Variants in BRD4 observed in about 807,000 individuals in gnomAD.
BRD4 encodes the protein bromodomain containing 4.
A neutral mutation model predicts 142.1 loss-of-function variants in BRD4; 16 were observed. That is an observed-to-expected ratio of 0.11 (90% CI 0.08 to 0.17). The LOEUF is 0.17. Ranked by LOEUF, BRD4 falls within the 10% of genes least tolerant of loss-of-function variation. The pLI is 1.00. For missense variants in BRD4, 1,424 were observed against 1,810.9 expected (o/e 0.79, Z 3.88); for synonymous variants, 833 against 707.5 (o/e 1.18, Z -2.82).
intron 1 of BRD4, among the ~76,000 whole-genome samples, chr19:15,299,356 C>A (rs1252470660): frequency 6.6e-6 from 1 of 152,174 alleles, no homozygotes; most frequent in Non-Finnish European, 1.5e-5. Context: ...GATATATGTG[C>A]TCATATACCC....
Position 15,242,987 on chromosome 19 carries a change from G to T in BRD4, c.3082C>A (p.Pro1028Thr). The T allele has an allele frequency of 6.4e-7, 1 of 1,573,754 alleles. No homozygotes were observed. Residue 1028 changes from proline (P) to threonine (T), a missense_variant, in exon 14 of 20, where the codon CCA (proline) becomes ACA (threonine). Around this residue, in one of 16 missense-constraint regions of BRD4, gnomAD observed 598 missense variants for 647.8 expected, o/e 0.92. Transcript: ENST00000679869. Reference sequence around the variant, plus strand: ...GGCTTGGCAGGCTGCGGCGGGGGTGGCTGCTGGCCTGGGGGCGGATGGGGG... The same window carrying T: ...GGCTTGGCAGGCTGCGGCGGGGGTGTCTGCTGGCCTGGGGGCGGATGGGGG... ...QPPHPPPGQQ[P>T]PPPQPAKPQQ...
Position 15,243,357 on chromosome 19 carries a change from G to C in BRD4, c.2712C>G (p.Pro904=). Reference sequence around the variant, plus strand: ...GCAGCACTTGGGGGGGTTGGGCCATGGGGGGCTGTGGGAGCAGGGGTGTTT... The same window carrying C: ...GCAGCACTTGGGGGGGTTGGGCCATCGGGGGCTGTGGGAGCAGGGGTGTTT... ...LTQTPLLPQP[P]MAQPPQVLLE... is the part of the protein sequence containing the mutation. The change falls in exon 14 of 20, where the codon CCC becomes CCG. Residue 904 remains proline, a synonymous_variant. Transcript: ENST00000679869. The C allele has an allele frequency of 6.6e-7, 1 of 1,504,180 alleles. No individual in the cohort carries two copies. Among genetic ancestry groups the C allele is most frequent in the East Asian group, 2.4e-5 (1 of 41,662 alleles). The allele number at this position is 1,504,180 out of a possible 1,614,324, so 93.2% of individuals were successfully genotyped here. A position where few individuals can be genotyped will look rare whatever the true frequency, so the allele number is the denominator to read the frequency against.
At chr19:15,290,370 A>C (rs1555742936) in intron 1 of BRD4, among the ~76,000 whole-genome samples, 1 of 152,194 alleles carries the variant, frequency 6.6e-6, no homozygotes, top group Non-Finnish European at 1.5e-5. Context: ...TAATCCTGTT[A>C]CGTTAGAAAA....
chr19:15,248,237 T>C, intron 11 of BRD4: 1 of 218,990 alleles, frequency 4.6e-6, no homozygotes, highest in Non-Finnish European at 9.2e-6. Flanking sequence ...TTTGTGTCTC[T>C]GGGAGGGCTT....
At chr19:15,253,573 C>T (rs767878793) in intron 11 of BRD4, 2 of 1,574,082 alleles carry the variant, frequency 1.3e-6, no homozygotes, top group South Asian at 1.1e-5. Flanking sequence ...GCAGCCAACA[C>T]AGCAACGAGC....
intron 1 of BRD4, among the ~76,000 whole-genome samples, chr19:15,278,251 TGGGCCAGGCATGGC>T (rs1037977466): frequency 2.6e-5 from 4 of 151,238 alleles, no homozygotes; most frequent in African/African-American, 4.9e-5. Flanking sequence ...AAAGTAACTA[TGGGCCAGGCATGGC>T]GGGCCACACC....
intron 13 of BRD4, 54 bp from the exon 14 acceptor site, chr19:15,243,541 T>A: frequency 6.7e-7 from 1 of 1,488,874 alleles, no homozygotes; most frequent in Non-Finnish European, 8.9e-7. Flanking sequence ...GGCCCCAGCC[T>A]GGCCTTTCTG....
chr19:15,288,436 T>A (rs535470686), intron 1 of BRD4, among the ~76,000 whole-genome samples: 1 of 150,838 alleles, frequency 6.6e-6, no homozygotes, highest in Non-Finnish European at 1.5e-5. Context: ...AGAAGAGGAG[T>A]GAAACACAGG....
chr19:15,314,522 C>T (rs2145718435), intron 1 of BRD4, among the ~76,000 whole-genome samples: 1 of 152,266 alleles, frequency 6.6e-6, no homozygotes, highest in South Asian at 2.1e-4. Context: ...GGGAGGAGCC[C>T]TCACATCCAT....
chr19:15,271,270 T>C (rs1382600451), intron 2 of BRD4, among the ~76,000 whole-genome samples: 3 of 152,216 alleles, frequency 2.0e-5, no homozygotes, highest in African/African-American at 4.8e-5. Flanking sequence ...CTGGCACTGA[T>C]GCGTTTCCCT....
chr19:15,288,933 C>T (rs548087019), intron 1 of BRD4, among the ~76,000 whole-genome samples: 34 of 152,302 alleles, frequency 2.2e-4, no homozygotes, highest in African/African-American at 7.7e-4. Context: ...TGTGTCAAGG[C>T]GGCTGTTAAT....
Position 15,256,111 on chromosome 19 carries a change from A to T in BRD4, c.1704T>A (p.Pro568=), listed in dbSNP as rs1224320450. 2 of 1,611,620 alleles carry T rather than the reference A, an allele frequency of 1.2e-6. No individual in the cohort carries two copies. The highest frequency in any genetic ancestry group is 1.7e-6 in the Non-Finnish European group (2 of 1,179,832). The change falls in exon 9 of 20, where the codon CCT becomes CCA. Residue 568 remains proline, a synonymous_variant. Coordinates refer to ENST00000679869, the MANE Select transcript of BRD4 (RefSeq NM_001379291.1). ...TATTTTTCTTCGTCTTTTTAGGAGG[A>T]GGTTCCTTGGCTTTGCTTTTTTTAT... is the stretch of plus-strand genomic sequence containing the variant. The part of the protein sequence containing the change: ...EENKKSKAKE[P]PPKKTKKNNS...
At position 15,246,298 on chromosome 19, in the gene BRD4, G is replaced by A. The variant is rs906242142; in HGVS notation, c.2159-1536C>T. On this transcript the variant is annotated intron_variant, in intron 11 of 19. Transcript: ENST00000679869. The stretch of plus-strand genomic sequence containing the variant: ...TGTGGTGGTGGGGGGAGGAGCGCTG[G>A]CTGCAGAGGTTGGCAGCCACAGGAC... Among the ~76,000 whole-genome samples the A allele has an allele frequency of 7.9e-5, 12 of 152,132 alleles. 1 individual carries two copies. The highest frequency in any genetic ancestry group is 1.8e-4 in the Non-Finnish European group (12 of 68,030).
At chr19:15,253,351 G>A (rs139425734) in intron 11 of BRD4, 7 of 596,202 alleles carry the variant, frequency 1.2e-5, no homozygotes, top group South Asian at 2.0e-5. Flanking sequence ...CACACTTGGA[G>A]GAGAGCAGTC....
intron 1 of BRD4, among the ~76,000 whole-genome samples, chr19:15,282,776 C>T (rs1218934526): frequency 6.6e-6 from 1 of 152,114 alleles, no homozygotes; most frequent in Non-Finnish European, 1.5e-5. Context: ...TTCAACAGAG[C>T]TGTGGGGTAT....
intron 1 of BRD4, among the ~76,000 whole-genome samples, chr19:15,297,745 C>A (rs1054424660): frequency 1.3e-5 from 2 of 152,176 alleles, no homozygotes; most frequent in African/African-American, 2.4e-5. Context: ...GGCGTCCTCA[C>A]TTCCTCTGTA....
Position 15,257,076 on chromosome 19 carries a change from A to C in BRD4, c.1439T>G (p.Val480Gly). The change falls in exon 8 of 20, where the codon GTG becomes GGG. Residue 480 changes from valine to glycine, a missense_variant. Around this residue, in one of 16 missense-constraint regions of BRD4, gnomAD observed 90 missense variants for 93.2 expected, o/e 0.97. Transcript: ENST00000679869. The part of the protein sequence containing the change: ...SPAVPPPTKV[V>G]APPSSSDSSS... ...GCTGTCGCTGGATGAGGGCGGGGCC[A>C]CAACCTTGGTGGGAGGGGGCACTGC... 1 of 1,606,432 alleles carries C rather than the reference A, an allele frequency of 6.2e-7. No homozygotes were observed. The highest frequency in any genetic ancestry group is 1.1e-5 in the South Asian group (1 of 89,350).
chr19:15,325,770 G>A (rs1331262374), intron 1 of BRD4, among the ~76,000 whole-genome samples: 1 of 151,728 alleles, frequency 6.6e-6, no homozygotes, highest in African/African-American at 2.4e-5. Context: ...AGGCTGAGGC[G>A]GGCGGATCAC....
chr19:15,257,839 C>A (rs2047429417), intron 7 of BRD4, among the ~76,000 whole-genome samples: 1 of 152,164 alleles, frequency 6.6e-6, no homozygotes, highest in African/African-American at 2.4e-5. Context: ...GCACTGAGGA[C>A]AGGCTACAGG....
Sources: allele counts gnomAD v4.1 joint callset (sites outside exome capture counted in the v4.1 genomes callset), GRCh38; gene constraint gnomAD v4.1.1; regional missense constraint gnomAD v4.1.1; transcripts MANE v1.5; gene names NCBI Gene and HGNC (gene_info 2026-07-23, HGNC 2026-07-21).